CSMD1: variants seen among roughly 807,000 people sequenced by gnomAD.
The protein encoded by CSMD1 is CUB and Sushi multiple domains 1, also known as CUB and sushi domain-containing protein 1.
Under a neutral mutation model 417.5 loss-of-function variants are expected in CSMD1, and 213 were observed. The observed-to-expected ratio is 0.51, with a 90% CI of 0.46 to 0.57. The LOEUF (loss-of-function observed/expected upper bound fraction) is 0.57, where lower values mean the gene tolerates loss of function less well. Ranked by LOEUF, CSMD1 falls within the 20% of genes least tolerant of loss-of-function variation. The pLI is 0.00. For synonymous variants in CSMD1, 2,862 were observed against 1,736.8 expected, an observed-to-expected ratio of 1.65 and a Z score of -16.11; for missense variants, 6,923 against 4,529.7, an observed-to-expected ratio of 1.53 and a Z score of -15.17.
At chr8:4,848,791 G>A (rs377437522) in intron 1 of CSMD1, among the ~76,000 whole-genome samples, 5 of 152,248 alleles carry the variant, frequency 3.3e-5, no homozygotes, top group East Asian at 3.9e-4. Flanking sequence ...TGATTCGGCC[G>A]TCTCAGCCTT....
chr8:3,096,515 T>A (rs1815308559), intron 47 of CSMD1, among the ~76,000 whole-genome samples: 2 of 152,146 alleles, frequency 1.3e-5, no homozygotes, highest in Non-Finnish European at 2.9e-5. Flanking sequence ...AAAATGTGAC[T>A]TGCTCCTCCT....
intron 11 of CSMD1, among the ~76,000 whole-genome samples, chr8:3,482,464 A>G (rs895128902): frequency 4.6e-5 from 7 of 152,224 alleles, no homozygotes; most frequent in Admixed American, 2.0e-4. Context: ...GACCCACCAG[A>G]AATATGTAAC....
chr8:3,912,516 A>C (rs1808529608), intron 5 of CSMD1, among the ~76,000 whole-genome samples: 1 of 152,206 alleles, frequency 6.6e-6, no homozygotes, highest in African/African-American at 2.4e-5. Context: ...TACAATGGAA[A>C]TACATAACAG....
intron 13 of CSMD1, among the ~76,000 whole-genome samples, 174 bp from the exon 14 acceptor site, chr8:3,408,399 G>A (rs553343009): frequency 7.6e-4 from 115 of 152,160 alleles, no homozygotes; most frequent in African/African-American, 2.4e-3. Context: ...TTCCTAATTT[G>A]TAAGTCGAAT....
At chr8:4,610,927 T>G (rs1015535865) in intron 2 of CSMD1, among the ~76,000 whole-genome samples, 11 of 152,216 alleles carry the variant, frequency 7.2e-5, no homozygotes, top group African/African-American at 2.7e-4. Flanking sequence ...GACATAACTA[T>G]GTTGGAAATC....
chr8:3,706,665 G>C (rs543108727), intron 7 of CSMD1, among the ~76,000 whole-genome samples: 2 of 152,112 alleles, frequency 1.3e-5, no homozygotes, highest in African/African-American at 2.4e-5. Flanking sequence ...CCAAATGATC[G>C]GATATCCAAC....
chr8:4,430,154 C>G (rs914154571), intron 2 of CSMD1, among the ~76,000 whole-genome samples: 4 of 152,156 alleles, frequency 2.6e-5, no homozygotes, highest in East Asian at 1.9e-4. Flanking sequence ...AAATCTATGT[C>G]AGAATCTATC....
At chr8:3,234,810 C>A (rs1376740746) in intron 26 of CSMD1, among the ~76,000 whole-genome samples, 2 of 152,220 alleles carry the variant, frequency 1.3e-5, no homozygotes, top group Non-Finnish European at 2.9e-5. Context: ...TGGCCATCAT[C>A]TTGGTACCAA....
intron 5 of CSMD1, among the ~76,000 whole-genome samples, chr8:3,940,505 G>C (rs1428013520): frequency 1.4e-5 from 1 of 69,774 alleles, no homozygotes; most frequent in Non-Finnish European, 3.3e-5. Context: ...CTCTGTGTGT[G>C]TGTGTGTGTG....
At position 3,723,320 on chromosome 8, in the gene CSMD1, G is replaced by C. The variant is rs1266419616; in HGVS notation, c.932-14829C>G. 3.3e-5 allele frequency among the ~76,000 whole-genome samples: 5 copies of C among 152,076 alleles called. No homozygotes were observed. The East Asian group carries it at 7.8e-4, about 24-fold the overall frequency. On this transcript the variant is annotated intron_variant, in intron 6 of 69. Coordinates refer to ENST00000635120, the MANE Select transcript of CSMD1 (RefSeq NM_033225.6). ...TTCTCAGGAAAAAGTCCCTTTTAAG[G>C]GCTCATTTGATTAGGTCAGGGCCGC...
At chr8:4,584,169 A>C (rs1157134830) in intron 2 of CSMD1, among the ~76,000 whole-genome samples, 1 of 152,080 alleles carries the variant, frequency 6.6e-6, no homozygotes, top group Non-Finnish European at 1.5e-5. Context: ...TAAGAACTGT[A>C]ACACTCACTG....
intron 3 of CSMD1, among the ~76,000 whole-genome samples, chr8:4,389,807 C>A (rs766750409): frequency 1.3e-5 from 2 of 152,052 alleles, no homozygotes; most frequent in African/African-American, 2.4e-5. Flanking sequence ...CTTACAACTA[C>A]TTTATTTAAA....
rs2129048615 is a variant in CSMD1, at chr8:3,183,394, CTGAA to C, written c.5621-2184_5621-2181del. 1.4e-5 allele frequency among the ~76,000 whole-genome samples: 2 copies of C among 145,648 alleles called. 1 individual carries two copies. Among genetic ancestry groups the C allele is most frequent in the Non-Finnish European group, 3.0e-5 (2 of 65,612 alleles). Reference sequence around the variant, plus strand: ...CATCGGCACCCACCGACGTCACGAACTGAACGCCTAATCTATCTATCCCTGAAAC... The same window carrying C: ...CATCGGCACCCACCGACGTCACGAACCGCCTAATCTATCTATCCCTGAAAC... On this transcript the variant is annotated intron_variant, in intron 36 of 69. Coordinates refer to ENST00000635120, the MANE Select transcript of CSMD1 (RefSeq NM_033225.6).
chr8:4,964,071 G>A (rs373970788), intron 1 of CSMD1, among the ~76,000 whole-genome samples: 1 of 151,950 alleles, frequency 6.6e-6, no homozygotes, highest in East Asian at 1.9e-4. Flanking sequence ...AGACATATCT[G>A]GCTTTCTGGG....
chr8:3,028,986 T>C (rs1048602031), intron 51 of CSMD1, among the ~76,000 whole-genome samples: 2 of 152,172 alleles, frequency 1.3e-5, no homozygotes, highest in Non-Finnish European at 2.9e-5. Context: ...AGATCCCAAT[T>C]AGAACTCTTG....
intron 2 of CSMD1, among the ~76,000 whole-genome samples, chr8:4,610,926 A>G (rs1353879724): frequency 6.6e-6 from 1 of 152,214 alleles, no homozygotes; most frequent in Non-Finnish European, 1.5e-5. Flanking sequence ...TGACATAACT[A>G]TGTTGGAAAT....
chr8:3,227,584 G>C (rs995948433), intron 27 of CSMD1, among the ~76,000 whole-genome samples: 1 of 152,044 alleles, frequency 6.6e-6, no homozygotes, highest in African/African-American at 2.4e-5. Flanking sequence ...ATCAATATTG[G>C]TAGATTCAAA....
intron 3 of CSMD1, among the ~76,000 whole-genome samples, chr8:4,050,825 C>T (rs182327466): frequency 1.3e-5 from 2 of 152,186 alleles, no homozygotes; most frequent in East Asian, 3.9e-4. Flanking sequence ...TCTCAAGTGC[C>T]AATTTTTAAA....
At chr8:3,036,067 A>G (rs1346126827) in intron 50 of CSMD1, among the ~76,000 whole-genome samples, 1 of 152,210 alleles carries the variant, frequency 6.6e-6, no homozygotes, top group Non-Finnish European at 1.5e-5. Flanking sequence ...AGTATAAACA[A>G]TATATAGTCC....
Sources: gnomAD v4.1 joint callset for allele counts (sites outside exome capture counted in the v4.1 genomes callset) on GRCh38, gnomAD v4.1.1 for gene constraint, MANE v1.5 for transcripts, NCBI Gene and HGNC (gene_info 2026-07-23, HGNC 2026-07-21) for gene names.